Variants in EFCAB13 observed in about 807,000 individuals in gnomAD.
EFCAB13 encodes EF-hand calcium-binding domain-containing protein 13.
EFCAB13 carries 91 observed loss-of-function variants against 110.2 expected under a neutral mutation model. The ratio of observed to expected loss-of-function variants is 0.83; its 90% CI spans 0.70 to 0.98. The LOEUF (loss-of-function observed/expected upper bound fraction) is 0.98. Among genes scored for constraint, EFCAB13 ranks in the 50% least tolerant of loss-of-function variants. EFCAB13 has a pLI of 0.00. For synonymous variants in EFCAB13, 323 were observed against 369.9 expected (o/e 0.87, Z 1.45); for missense variants, 968 against 1,119.4 (o/e 0.86, Z 1.93).
Position 47,409,437 on chromosome 17 carries a change from A to C in EFCAB13, c.2234-210A>C, listed in dbSNP as rs1031452211. ...ACATTTAAGGAGTTGGTGGAAGATA[A>C]CCATGAAGGAGCCCAAGTAGTAAGC... On this transcript the variant is annotated intron_variant, in intron 20 of 24. Transcript: ENST00000331493. 6 of 493,952 alleles carry C rather than the reference A, an allele frequency of 1.2e-5. No individual in the cohort carries two copies. The South Asian group carries it at 2.0e-4, about 16-fold the overall frequency. The allele number at this position is 493,952 out of a possible 1,614,324, so 30.6% of individuals were successfully genotyped here.
chr17:47,367,241 A>G (rs2065552134), intron 10 of EFCAB13, among the ~76,000 whole-genome samples: 1 of 152,266 alleles, frequency 6.6e-6, no homozygotes, highest in South Asian at 2.1e-4. Context: ...GATTGGTTCA[A>G]ACACATAGTA....
At chr17:47,427,326 G>C (rs950102922) in intron 23 of EFCAB13, among the ~76,000 whole-genome samples, 1 of 152,054 alleles carries the variant, frequency 6.6e-6, no homozygotes, top group African/African-American at 2.4e-5. Flanking sequence ...AGTAATTACT[G>C]TCTGGGTGAT....
chr17:47,424,598 G>C (rs1904863407), intron 23 of EFCAB13, among the ~76,000 whole-genome samples: 1 of 151,952 alleles, frequency 6.6e-6, no homozygotes, highest in Non-Finnish European at 1.5e-5. Context: ...ATTCACGGAG[G>C]GCTTCTCATT....
intron 24 of EFCAB13, among the ~76,000 whole-genome samples, chr17:47,432,444 T>A (rs541727014): frequency 5.9e-5 from 6 of 101,648 alleles, no homozygotes; most frequent in African/African-American, 1.3e-4. Flanking sequence ...ATAAATAAAT[T>A]AGCTCGGTGT....
At chr17:47,365,085 T>C (rs1277291826) in intron 10 of EFCAB13, among the ~76,000 whole-genome samples, 1 of 152,206 alleles carries the variant, frequency 6.6e-6, no homozygotes, top group Non-Finnish European at 1.5e-5. Flanking sequence ...TATACACTCT[T>C]ATAGCACTAT....
intron 22 of EFCAB13, among the ~76,000 whole-genome samples, chr17:47,413,192 GACA>G (rs1330830267): frequency 6.6e-6 from 1 of 152,002 alleles, no homozygotes; most frequent in Non-Finnish European, 1.5e-5. Context: ...ATAAAAACAT[GACA>G]ACAGCAGCTT....
intron 9 of EFCAB13, among the ~76,000 whole-genome samples, chr17:47,359,682 A>T (rs1448235990): frequency 2.0e-5 from 3 of 150,456 alleles, no homozygotes; most frequent in Non-Finnish European, 3.0e-5. Context: ...TGTGCAGGTT[A>T]GTTACATATG....
At chr17:47,363,956 A>G (rs528411853) in intron 10 of EFCAB13, among the ~76,000 whole-genome samples, 7 of 152,286 alleles carry the variant, frequency 4.6e-5, no homozygotes, top group Admixed American at 2.6e-4. Context: ...GACTATTCTT[A>G]AGCCTTTAGG....
chr17:47,422,723 C>A (rs946336699), intron 23 of EFCAB13, among the ~76,000 whole-genome samples: 5 of 152,136 alleles, frequency 3.3e-5, no homozygotes, highest in African/African-American at 1.2e-4. Context: ...AACTACAAAA[C>A]AATTTTGACA....
At chr17:47,327,462 C>CT (rs1225341124) in intron 3 of EFCAB13, among the ~76,000 whole-genome samples, 12 of 149,676 alleles carry the variant, frequency 8.0e-5, no homozygotes, top group Admixed American at 2.7e-4. Flanking sequence ...CATACCTGGC[C>CT]TTTTTTTTTA....
intron 20 of EFCAB13, among the ~76,000 whole-genome samples, chr17:47,405,020 T>C (rs1442768142): frequency 6.6e-6 from 1 of 152,178 alleles, no homozygotes; most frequent in Non-Finnish European, 1.5e-5. Flanking sequence ...TATGAAGCTT[T>C]GGTAAATATC....
At chr17:47,402,327 T>G in intron 18 of EFCAB13, 124 bp downstream of exon 18, 1 of 877,276 alleles carries the variant, frequency 1.1e-6, no homozygotes, top group Non-Finnish European at 1.8e-6. Flanking sequence ...GATATGTTTA[T>G]ACGCAGATGA....
intron 9 of EFCAB13, among the ~76,000 whole-genome samples, chr17:47,357,076 C>T (rs907055300): frequency 6.6e-6 from 1 of 152,208 alleles, no homozygotes; most frequent in African/African-American, 2.4e-5. Context: ...GGTTTCACTC[C>T]CACTGCGCTT....
At chr17:47,361,034 A>G (rs891300168) in intron 9 of EFCAB13, among the ~76,000 whole-genome samples, 1 of 152,220 alleles carries the variant, frequency 6.6e-6, no homozygotes, top group Non-Finnish European at 1.5e-5. Flanking sequence ...TTTTAAAATT[A>G]TAGACTCTGA....
chr17:47,371,915 C>T (rs184235093), intron 11 of EFCAB13, among the ~76,000 whole-genome samples: 497 of 152,162 alleles, frequency 3.3e-3, no homozygotes, highest in African/African-American at 0.012. Flanking sequence ...TGCCCGGCCT[C>T]TGTGTCTATT....
At position 47,401,636 on chromosome 17, in the gene EFCAB13, CTGACT is replaced by C. The variant is rs1383671508; in HGVS notation, c.1946-494_1946-490del. Among the ~76,000 whole-genome samples, 20 of 137,238 alleles carry C rather than the reference CTGACT, an allele frequency of 1.5e-4. No homozygotes were observed. In the South Asian group the frequency reaches 4.1e-3, roughly 28 times the overall value. 90.0% of individuals were successfully genotyped at this position (137,238 alleles called of 152,430 possible). A position where few individuals can be genotyped will look rare whatever the true frequency, so the allele number is the denominator to read the frequency against. On this transcript the variant is annotated intron_variant, in intron 17 of 24. Transcript: ENST00000331493. ...GATTGATTGAAATTGAGAACTCAGC[CTGACT>C]TTTTTTTTTTTTTTTTTTTTTGAGA...
intron 23 of EFCAB13, among the ~76,000 whole-genome samples, chr17:47,418,530 T>C (rs944555938): frequency 2.6e-4 from 39 of 152,218 alleles, no homozygotes; most frequent in African/African-American, 9.4e-4. Flanking sequence ...CACATTTTGT[T>C]AGTTGTCTTT....
chr17:47,347,290 C>T (rs2065422551), intron 8 of EFCAB13, among the ~76,000 whole-genome samples: 1 of 152,018 alleles, frequency 6.6e-6, no homozygotes. Flanking sequence ...AAAAGACAAA[C>T]AAAAATAGCA....
intron 23 of EFCAB13, among the ~76,000 whole-genome samples, chr17:47,419,534 C>T (rs1043167503): frequency 1.6e-4 from 24 of 152,284 alleles, no homozygotes; most frequent in Non-Finnish European, 8.8e-5. Flanking sequence ...GCTGTGATCA[C>T]GCTGCTGCAC....
Sources: allele counts gnomAD v4.1 joint callset (sites outside exome capture counted in the v4.1 genomes callset), GRCh38; gene constraint gnomAD v4.1.1; transcripts MANE v1.5; gene names NCBI Gene and HGNC (gene_info 2026-07-23, HGNC 2026-07-21).